The following DYNC2H1 variants were observed in gnomAD, a reference collection of about 807,000 sequenced individuals.
DYNC2H1 encodes cytoplasmic dynein 2 heavy chain 1.
A neutral mutation model predicts 570.0 loss-of-function variants in DYNC2H1; 410 were observed. That is an observed-to-expected ratio of 0.72 (90% CI 0.66 to 0.78). The LOEUF is 0.78. DYNC2H1 is among the 30% of genes least tolerant of loss of function. The pLI, the probability that DYNC2H1 is intolerant of heterozygous loss-of-function variation, is 0.00. For synonymous variants in DYNC2H1, 1,688 were observed against 1,677.6 expected (o/e 1.01, Z -0.15); for missense variants, 4,865 against 5,046.4 (o/e 0.96, Z 1.09).
Position 103,323,970 on chromosome 11 carries a change from C to T in DYNC2H1, c.12019C>T (p.Gln4007Ter). 2.5e-6 allele frequency: 4 copies of T among 1,611,976 alleles called. No individual in the cohort carries two copies. Among genetic ancestry groups the T allele is most frequent in the Non-Finnish European group, 3.4e-6 (4 of 1,178,944 alleles). Reference protein sequence around the residue: ...GLPANIARSSQRMISSQVISQ... With the variant: ...GLPANIARSS ...GCCTGCCAATATCGCTCGCTCATCT[C>T]AGCGCATGATCAGTTCTCAGGTAAC... The change falls in exon 82 of 89, where the codon CAG becomes TAG. Residue 4007 changes from glutamine (Q) to a stop codon, truncating the protein, a stop_gained. Coordinates refer to ENST00000375735, the MANE Select transcript of DYNC2H1 (RefSeq NM_001377.3). LOFTEE classifies it high-confidence loss of function.
intron 31 of DYNC2H1, among the ~76,000 whole-genome samples, chr11:103,166,331 A>G (rs1270710749): frequency 6.6e-6 from 1 of 152,130 alleles, no homozygotes; most frequent in Non-Finnish European, 1.5e-5. Flanking sequence ...CCATGAGATT[A>G]TGTTATAAAT....
intron 77 of DYNC2H1, among the ~76,000 whole-genome samples, chr11:103,307,458 A>G (rs1223020159): frequency 6.6e-6 from 1 of 152,132 alleles, no homozygotes; most frequent in Non-Finnish European, 1.5e-5. Context: ...GGAATAAGTC[A>G]AAGAGACCAA....
rs1453497623 is a variant in DYNC2H1, at chr11:103,220,634, T to C, written c.8958T>C (p.Asn2986=). The change falls in exon 57 of 89, where the codon AAT becomes AAC. Residue 2986 remains asparagine (N), a synonymous_variant. Transcript: ENST00000375735. ...TTTTTCTCTTTTAGCCTTTAGTCAATGAAGCTAAACTAGCAGTTGGAAACA... is the reference window on the plus strand; with the variant it reads ...TTTTTCTCTTTTAGCCTTTAGTCAACGAAGCTAAACTAGCAGTTGGAAACA... ...DELKEVQPLV[N]EAKLAVGNIK... is the part of the protein sequence containing the mutation. The C allele has an allele frequency of 3.1e-6, 5 of 1,605,754 alleles. No homozygotes were observed.
chr11:103,384,328 C>G (rs943690112), intron 83 of DYNC2H1, among the ~76,000 whole-genome samples: 3 of 151,828 alleles, frequency 2.0e-5, no homozygotes, highest in African/African-American at 7.2e-5. Flanking sequence ...TGTCAGTTTT[C>G]TTTTGGTTAT....
chr11:103,290,828 TAACTTGCTGAG>T lies in DYNC2H1; in HGVS notation c.11095+3224_11095+3234del, dbSNP rs1161969587. Among the ~76,000 whole-genome samples the T allele has an allele frequency of 3.9e-5, 6 of 152,334 alleles. No homozygotes were observed. The East Asian group carries it at 1.2e-3, about 29-fold the overall frequency. On this transcript the variant is annotated intron_variant, in intron 75 of 88. Transcript: ENST00000375735. ...ATAATATTCTGGTTGATAAGACCAC[TAACTTGCTGAG>T]TTATGTTTTAAAGCTTATGATGAAA...
At chr11:103,352,005 T>G (rs561932333) in intron 82 of DYNC2H1, among the ~76,000 whole-genome samples, 2 of 152,272 alleles carry the variant, frequency 1.3e-5, no homozygotes, top group Non-Finnish European at 2.9e-5. Context: ...AATTTCTCTA[T>G]TAGCCAAATT....
At chr11:103,370,908 A>G (rs1408793612) in intron 83 of DYNC2H1, among the ~76,000 whole-genome samples, 1 of 152,112 alleles carries the variant, frequency 6.6e-6, no homozygotes, top group African/African-American at 2.4e-5. Flanking sequence ...ATGCCGAGAC[A>G]CCAAAGAACA....
intron 82 of DYNC2H1, among the ~76,000 whole-genome samples, chr11:103,351,208 G>A (rs1016768309): frequency 2.8e-4 from 43 of 152,096 alleles, no homozygotes; most frequent in African/African-American, 9.7e-4. Flanking sequence ...TTTGTAGACG[G>A]TGCTGGCTAT....
chr11:103,304,742 A>C, intron 77 of DYNC2H1, 22 bp downstream of exon 77: 2 of 1,610,016 alleles, frequency 1.2e-6, no homozygotes, highest in Non-Finnish European at 1.7e-6. Context: ...TAAATGTACA[A>C]ATAATATCTA....
At chr11:103,140,514 T>G (rs1859848973) in intron 17 of DYNC2H1, among the ~76,000 whole-genome samples, 1 of 152,240 alleles carries the variant, frequency 6.6e-6, no homozygotes. Flanking sequence ...GAAACTTCTT[T>G]TCTTTAGAAT....
chr11:103,297,954 A>C (rs978931926), intron 75 of DYNC2H1, among the ~76,000 whole-genome samples: 7 of 152,078 alleles, frequency 4.6e-5, no homozygotes, highest in African/African-American at 1.7e-4. Flanking sequence ...TGTTTAAGCC[A>C]CTTTTATATA....
At chr11:103,220,827 G>A (rs1474865983) in intron 57 of DYNC2H1, 44 bp downstream of exon 57, 1 of 1,538,758 alleles carries the variant, frequency 6.5e-7, no homozygotes, top group Non-Finnish European at 8.9e-7. Flanking sequence ...GGCAATGAAT[G>A]ACACATTCTT....
chr11:103,461,011 G>A lies in DYNC2H1; in HGVS notation c.12648+4655G>A, dbSNP rs1944991720. Among the ~76,000 whole-genome samples, 1 of 152,026 alleles carries A rather than the reference G, an allele frequency of 6.6e-6. No homozygotes were observed. On this transcript the variant is annotated intron_variant, in intron 87 of 88. Coordinates refer to ENST00000375735, the MANE Select transcript of DYNC2H1 (RefSeq NM_001377.3). This position sits in a 1 kb window ranked among gnomAD's most constrained non-coding sequence, Gnocchi z 4.8. The stretch of plus-strand genomic sequence containing the variant: ...TATACTTACAACTTTAATTTTAAAA[G>A]CCATCTCTACATATGAGATTTAAGA...
At chr11:103,463,468 G>A (rs962619534) in intron 87 of DYNC2H1, among the ~76,000 whole-genome samples, 1 of 152,192 alleles carries the variant, frequency 6.6e-6, no homozygotes, top group Non-Finnish European at 1.5e-5. Context: ...AGCTGTTGCA[G>A]GCCTGGAGCA....
rs769867754 is a variant in DYNC2H1, at chr11:103,120,585, G to A, written c.1134+4G>A. On this transcript the variant is annotated splice_donor_region_variant and intron_variant, in intron 7 of 88. Coordinates refer to ENST00000375735, the MANE Select transcript of DYNC2H1 (RefSeq NM_001377.3). ...GCAATATAATCCATATACTGAGGTT[G>A]TATATATATTTGTTTATGTCTGTAC... is the stretch of plus-strand genomic sequence containing the variant. The A allele has an allele frequency of 5.0e-5, 80 of 1,608,748 alleles. No homozygotes were observed. Among genetic ancestry groups the A allele is most frequent in the Non-Finnish European group, 6.5e-5 (76 of 1,177,790 alleles).
Position 103,370,318 on chromosome 11 carries a change from G to A in DYNC2H1, c.12156+11959G>A, listed in dbSNP as rs557842747. On this transcript the variant is annotated intron_variant, in intron 83 of 88. Transcript: ENST00000375735. ...TCAGCTGCAATACAATAAAATACCA[G>A]GTAGAGTTCTAAGATTTTTGCCTCT... 7.2e-4 allele frequency among the ~76,000 whole-genome samples: 109 copies of A among 152,314 alleles called. 1 individual carries two copies. In the South Asian group the frequency reaches 9.1e-3, roughly 13 times the overall value.
intron 82 of DYNC2H1, among the ~76,000 whole-genome samples, chr11:103,341,171 C>G (rs1032136895): frequency 6.6e-6 from 1 of 152,160 alleles, no homozygotes; most frequent in African/African-American, 2.4e-5. Flanking sequence ...TACTTCACTT[C>G]TTTATGGAAT....
At chr11:103,470,469 C>T (rs1037847334) in intron 88 of DYNC2H1, among the ~76,000 whole-genome samples, 7 of 152,110 alleles carry the variant, frequency 4.6e-5, no homozygotes, top group Non-Finnish European at 7.4e-5. Context: ...ATGTGCACAA[C>T]GTGCAGGTTT....
At chr11:103,389,754 A>AC (rs1942054172) in intron 83 of DYNC2H1, among the ~76,000 whole-genome samples, 1 of 151,442 alleles carries the variant, frequency 6.6e-6, no homozygotes, top group African/African-American at 2.4e-5. Context: ...TTCGTTATGT[A>AC]CCCAGTAGTC....
Sources: allele counts gnomAD v4.1 joint callset (sites outside exome capture counted in the v4.1 genomes callset), GRCh38; gene constraint gnomAD v4.1.1; non-coding constraint Gnocchi (gnomAD v3.1); transcripts MANE v1.5; gene names NCBI Gene and HGNC (gene_info 2026-07-23, HGNC 2026-07-21).